The following CSNK1G1 variants were observed in gnomAD, a reference collection of about 807,000 sequenced individuals.
CSNK1G1 encodes casein kinase 1 gamma 1.
Under a neutral mutation model 59.6 loss-of-function variants are expected in CSNK1G1, and 22 were observed. The ratio of observed to expected loss-of-function variants is 0.37; its 90% CI spans 0.26 to 0.53. The LOEUF is 0.53. Among genes scored for constraint, CSNK1G1 ranks in the 20% least tolerant of loss-of-function variants. The pLI is 0.89. For synonymous variants in CSNK1G1, 179 were observed against 177.1 expected, an observed-to-expected ratio of 1.01 and a Z score of -0.08; for missense variants, 384 against 519.5, an observed-to-expected ratio of 0.74 and a Z score of 2.54.
At chr15:64,352,607 G>C (rs769217954) in intron 1 of CSNK1G1, among the ~76,000 whole-genome samples, 1 of 150,346 alleles carries the variant, frequency 6.7e-6, no homozygotes, top group Non-Finnish European at 1.5e-5. Flanking sequence ...CATCATGCCT[G>C]ACTAATGTTG....
chr15:64,289,766 A>G (rs955226844), intron 2 of CSNK1G1, among the ~76,000 whole-genome samples: 1 of 152,308 alleles, frequency 6.6e-6, no homozygotes, highest in East Asian at 1.9e-4. Flanking sequence ...AACAAACAAT[A>G]ACAAAAAACC....
intron 4 of CSNK1G1, among the ~76,000 whole-genome samples, chr15:64,232,276 TA>T (rs1013269238): frequency 5.9e-5 from 9 of 152,334 alleles, no homozygotes; most frequent in African/African-American, 2.2e-4. Context: ...TTGATCTTTT[TA>T]TTGGTTTTTG....
chr15:64,335,136 G>C (rs1434059723), intron 1 of CSNK1G1, among the ~76,000 whole-genome samples: 1 of 152,172 alleles, frequency 6.6e-6, no homozygotes, highest in Non-Finnish European at 1.5e-5. Context: ...TGTGTGAGAA[G>C]GGTAGCCTAA....
At chr15:64,312,950 T>A (rs1384089634) in intron 1 of CSNK1G1, among the ~76,000 whole-genome samples, 1 of 152,066 alleles carries the variant, frequency 6.6e-6, no homozygotes, top group Non-Finnish European at 1.5e-5. Flanking sequence ...GCAAAGGATA[T>A]AAACAGACAC....
chr15:64,268,677 AGCTAACT>A (rs1350594782), intron 2 of CSNK1G1, among the ~76,000 whole-genome samples: 1 of 151,814 alleles, frequency 6.6e-6, no homozygotes, highest in Non-Finnish European at 1.5e-5. Flanking sequence ...ATTGTTTTTG[AGCTAACT>A]GGGGTGTTTA....
chr15:64,336,765 C>A (rs558045030), intron 1 of CSNK1G1, among the ~76,000 whole-genome samples: 1 of 152,002 alleles, frequency 6.6e-6, no homozygotes, highest in Admixed American at 6.6e-5. Context: ...GTTTTAGTCA[C>A]GATTCTATGG....
intron 1 of CSNK1G1, among the ~76,000 whole-genome samples, 175 bp downstream of exon 1, chr15:64,355,813 C>A (rs1232596279): frequency 5.3e-5 from 8 of 152,174 alleles, no homozygotes; most frequent in Non-Finnish European, 8.8e-5. Context: ...TGTCCCTCAG[C>A]CCCTCCATTC....
chr15:64,188,495 C>T lies in CSNK1G1; in HGVS notation c.1108-8041G>A, dbSNP rs749331644. 1.8e-5 allele frequency: 28 copies of T among 1,531,252 alleles called. No homozygotes were observed. Among genetic ancestry groups the T allele is most frequent in the East Asian group, 7.3e-5 (3 of 40,920 alleles). 94.9% of individuals were successfully genotyped at this position (1,531,252 alleles called of 1,614,324 possible). A position where few individuals can be genotyped will look rare whatever the true frequency, so the allele number is the denominator to read the frequency against. On this transcript the variant is annotated intron_variant, in intron 10 of 11. Coordinates refer to ENST00000303052, the MANE Select transcript of CSNK1G1 (RefSeq NM_022048.5). This position sits in a 1 kb window ranked among gnomAD's most constrained non-coding sequence, Gnocchi z 4.2. ...GCTCTGATGATACATTCTGCTTAGGCGTTAGAAAGCATGAGAGCAAGATAT... is the reference window on the plus strand; with the variant it reads ...GCTCTGATGATACATTCTGCTTAGGTGTTAGAAAGCATGAGAGCAAGATAT...
chr15:64,186,846 C>T (rs1055715222), intron 10 of CSNK1G1, among the ~76,000 whole-genome samples: 6 of 151,680 alleles, frequency 4.0e-5, no homozygotes, highest in Non-Finnish European at 8.8e-5. Flanking sequence ...TTTTTTGAGA[C>T]GGAATCTCAG....
At chr15:64,259,511 CACACACACACACAT>C (rs1265961283) in intron 2 of CSNK1G1, among the ~76,000 whole-genome samples, 1 of 151,752 alleles carries the variant, frequency 6.6e-6, no homozygotes, top group Non-Finnish European at 1.5e-5. Flanking sequence ...CACACACACA[CACACACACACACAT>C]GCATGCATAT....
In CSNK1G1 at chr15:64,251,579, T is replaced by A; in HGVS notation, c.225A>T (p.Glu75Asp). The A allele has an allele frequency of 6.2e-7, 1 of 1,610,348 alleles. No homozygotes were observed. Among genetic ancestry groups the A allele is most frequent in the Non-Finnish European group, 8.5e-7 (1 of 1,177,400 alleles). The change falls in exon 4 of 12, where the codon GAA becomes GAT. Residue 75 changes from glutamate to aspartate, a missense_variant and splice_region_variant. Around this residue, in one of 3 missense-constraint regions of CSNK1G1, gnomAD observed 325 missense variants for 440.9 expected, o/e 0.74. Coordinates refer to ENST00000303052, the MANE Select transcript of CSNK1G1 (RefSeq NM_022048.5). ...YTNEYVAIKLEPIKSRAPQLH... is the reference protein window; with the variant it reads ...YTNEYVAIKLDPIKSRAPQLH... ...GCTGTGGAGCACGTGATTTTATTGG[T>A]TCCTGAAATCCAAAAAGAAAAACTG...
intron 2 of CSNK1G1, among the ~76,000 whole-genome samples, chr15:64,293,863 CT>C (rs146405632): frequency 0.016 from 2,438 of 152,184 alleles, 70 homozygotes; most frequent in African/African-American, 0.056. Context: ...TCCTCCACCC[CT>C]GGTACATGGA....
chr15:64,322,730 G>A (rs148527132), intron 1 of CSNK1G1, among the ~76,000 whole-genome samples: 271 of 152,202 alleles, frequency 1.8e-3, no homozygotes, highest in Non-Finnish European at 2.8e-3. Context: ...CTACTCAGGA[G>A]GCTGAAGTGG....
intron 1 of CSNK1G1, among the ~76,000 whole-genome samples, chr15:64,330,040 A>T (rs1205171195): frequency 4.0e-5 from 6 of 148,504 alleles, no homozygotes; most frequent in Non-Finnish European, 7.5e-5. Context: ...TCAATAGTTT[A>T]CCAACCAAAA....
At position 64,188,440 on chromosome 15, in the gene CSNK1G1, G is replaced by T. The variant is rs776040909; in HGVS notation, c.1108-7986C>A. 2.6e-6 allele frequency: 4 copies of T among 1,535,982 alleles called. No individual in the cohort carries two copies. Among genetic ancestry groups the T allele is most frequent in the African/African-American group, 1.4e-5 (1 of 73,028 alleles). ...GTTAGGTATGAGGTATTGGTCTGCC[G>T]GCTGGGCTGAATTTCCCACTCTCCT... On this transcript the variant is annotated intron_variant, in intron 10 of 11. Transcript: ENST00000303052. The surrounding 1 kb of genome is among the most constrained non-coding windows in gnomAD (Gnocchi z 4.2).
chr15:64,350,225 G>A, intron 1 of CSNK1G1, among the ~76,000 whole-genome samples: 1 of 152,068 alleles, frequency 6.6e-6, no homozygotes, highest in Non-Finnish European at 1.5e-5. Flanking sequence ...TGGTCGCGGT[G>A]GCTCACACCT....
At chr15:64,231,432 GATAT>G (rs754861786) in intron 4 of CSNK1G1, among the ~76,000 whole-genome samples, 1 of 145,398 alleles carries the variant, frequency 6.9e-6, no homozygotes, top group East Asian at 2.0e-4. Flanking sequence ...TATATATTAG[GATAT>G]ATATATATAT....
chr15:64,287,634 G>A (rs1278099946), intron 2 of CSNK1G1, among the ~76,000 whole-genome samples: 1 of 152,138 alleles, frequency 6.6e-6, no homozygotes, highest in Non-Finnish European at 1.5e-5. Flanking sequence ...GAAGTGGATA[G>A]GACCAAAATA....
intron 7 of CSNK1G1, among the ~76,000 whole-genome samples, chr15:64,205,822 G>A (rs1008140027): frequency 2.0e-5 from 3 of 152,176 alleles, no homozygotes; most frequent in African/African-American, 4.8e-5. Flanking sequence ...TATGACAGGA[G>A]AGGAATTTAA....
Sources: gnomAD v4.1 joint callset for allele counts (sites outside exome capture counted in the v4.1 genomes callset) on GRCh38, gnomAD v4.1.1 for gene constraint, gnomAD v4.1.1 regional missense constraint, Gnocchi (gnomAD v3.1) non-coding constraint, MANE v1.5 for transcripts, NCBI Gene and HGNC (gene_info 2026-07-23, HGNC 2026-07-21) for gene names.